The following DUSP13B variants were observed in gnomAD, a reference collection of about 807,000 sequenced individuals.
DUSP13B encodes the protein dual specificity phosphatase 13B, also known as dual specificity protein phosphatase 13B.
the DUSP13B span, among the ~76,000 whole-genome samples, chr10:75,104,506 G>T: frequency 6.6e-6 from 1 of 152,154 alleles, no homozygotes; most frequent in Non-Finnish European, 1.5e-5. Context: ...AGAGGTCAGG[G>T]AGCCTAAGGC....
At chr10:75,105,668 C>G in the DUSP13B span, 38 of 1,548,596 alleles carry the variant, frequency 2.5e-5, no homozygotes, top group East Asian at 2.4e-4. Flanking sequence ...CACCTGGCCC[C>G]TCAGCTCTGG....
the DUSP13B span, chr10:75,103,957 GCAGGCTC>G: frequency 3.8e-6 from 5 of 1,327,024 alleles, no homozygotes; most frequent in Non-Finnish European, 5.0e-6. Flanking sequence ...AGATGGAGTA[GCAGGCTC>G]TAGGGCCGAC....
the DUSP13B span, chr10:75,097,804 T>C: frequency 1.2e-6 from 2 of 1,613,820 alleles, no homozygotes; most frequent in South Asian, 1.1e-5. Flanking sequence ...GCGAAGCCAA[T>C]GTGGGCGGCT....
the DUSP13B span, chr10:75,108,273 C>A: frequency 6.5e-7 from 1 of 1,526,922 alleles, no homozygotes; most frequent in South Asian, 1.3e-5. Flanking sequence ...GAGGCTGTGC[C>A]TGGCCCCCTG....
chr10:75,100,116 G>T, the DUSP13B span, among the ~76,000 whole-genome samples: 1 of 152,120 alleles, frequency 6.6e-6, no homozygotes, highest in Non-Finnish European at 1.5e-5. Flanking sequence ...GGGTGAGGCT[G>T]CCCCCTGGTG....
chr10:75,097,989 T>A, the DUSP13B span: 1 of 1,031,622 alleles, frequency 9.7e-7, no homozygotes, highest in Non-Finnish European at 1.4e-6. Context: ...ACGGGGATGC[T>A]GCAGGAAGGG....
the DUSP13B span, chr10:75,107,982 C>CA: frequency 6.2e-7 from 1 of 1,607,088 alleles, no homozygotes; most frequent in Non-Finnish European, 8.5e-7. Flanking sequence ...GCTTGGACCC[C>CA]AAGTCCTACC....
At chr10:75,101,208 C>T in the DUSP13B span, among the ~76,000 whole-genome samples, 1 of 152,178 alleles carries the variant, frequency 6.6e-6, no homozygotes. Flanking sequence ...AGGTCTGGTA[C>T]TTGCAGCTAT....
At chr10:75,107,167 C>G in the DUSP13B span, among the ~76,000 whole-genome samples, 2 of 152,120 alleles carry the variant, frequency 1.3e-5, no homozygotes, top group African/African-American at 2.4e-5. Context: ...GAAACCCTGT[C>G]TCTGCTAAAA....
chr10:75,095,983 G>T, the DUSP13B span, among the ~76,000 whole-genome samples: 4 of 152,188 alleles, frequency 2.6e-5, no homozygotes, highest in African/African-American at 9.7e-5. Flanking sequence ...GGCTGGGTGC[G>T]GTGGCTCACG....
At chr10:75,101,841 C>T in the DUSP13B span, 25 of 1,358,662 alleles carry the variant, frequency 1.8e-5, no homozygotes, top group South Asian at 2.2e-4. Flanking sequence ...CATCCTACCC[C>T]CCCCAAATTA....
At chr10:75,101,577 T>C in the DUSP13B span, among the ~76,000 whole-genome samples, 64 of 152,338 alleles carry the variant, frequency 4.2e-4, 2 homozygotes, top group East Asian at 0.011. Flanking sequence ...AGTGCCTTTA[T>C]GGAGCAGGTA....
At chr10:75,102,911 C>A in the DUSP13B span, among the ~76,000 whole-genome samples, 2 of 152,150 alleles carry the variant, frequency 1.3e-5, no homozygotes, top group Non-Finnish European at 2.9e-5. Context: ...GAGATCACGC[C>A]ATTGCACTCC....
the DUSP13B span, among the ~76,000 whole-genome samples, chr10:75,102,464 A>C: frequency 1.3e-5 from 2 of 152,116 alleles, no homozygotes; most frequent in African/African-American, 4.8e-5. Flanking sequence ...AAGAAAAAAC[A>C]AAAAGAAAAA....
At chr10:75,106,048 T>C in the DUSP13B span, among the ~76,000 whole-genome samples, 4 of 152,122 alleles carry the variant, frequency 2.6e-5, no homozygotes, top group Non-Finnish European at 5.9e-5. Flanking sequence ...TCAACACCTG[T>C]TCTGCCTACC....
At chr10:75,106,096 C>CTTTTT in the DUSP13B span, among the ~76,000 whole-genome samples, 3 of 109,026 alleles carry the variant, frequency 2.8e-5, no homozygotes, top group East Asian at 5.6e-4. Context: ...TCTTTTCTTT[C>CTTTTT]TTTTCTTTTT....
chr10:75,095,887 A>G, the DUSP13B span: 1 of 1,187,788 alleles, frequency 8.4e-7, no homozygotes, highest in East Asian at 2.4e-5. Flanking sequence ...ACCCCCGCCC[A>G]CCACCCACCA....
At chr10:75,099,987 A>C in the DUSP13B span, among the ~76,000 whole-genome samples, 1 of 152,102 alleles carries the variant, frequency 6.6e-6, no homozygotes, top group Non-Finnish European at 1.5e-5. Context: ...CAGGACCCAG[A>C]GGAGTCCAAC....
At chr10:75,099,474 C>A in the DUSP13B span, 1 of 1,232,370 alleles carries the variant, frequency 8.1e-7, no homozygotes, top group Non-Finnish European at 1.0e-6. Context: ...GGTGCAGGGG[C>A]AGGACTCTGC....
Sources: gnomAD v4.1 joint callset for allele counts (sites outside exome capture counted in the v4.1 genomes callset) on GRCh38, gnomAD v4.1.1 for gene constraint, MANE v1.5 for transcripts, NCBI Gene and HGNC (gene_info 2026-07-23, HGNC 2026-07-21) for gene names.